Variants in NFKBIZ observed in about 807,000 individuals in gnomAD.
The protein encoded by NFKBIZ is NFKB inhibitor zeta.
In NFKBIZ, 19 loss-of-function variants were observed where a neutral mutation model predicts 76.8. The observed-to-expected ratio is 0.25, with a 90% CI of 0.17 to 0.36. NFKBIZ has a LOEUF of 0.36. NFKBIZ is among the 10% of genes least tolerant of loss of function. The pLI, the probability that NFKBIZ is intolerant of heterozygous loss-of-function variation, is 1.00. For missense variants in NFKBIZ, 829 were observed against 910.9 expected (o/e 0.91, Z 1.16); for synonymous variants, 368 against 354.8 (o/e 1.04, Z -0.42).
intron 2 of NFKBIZ, among the ~76,000 whole-genome samples, chr3:101,837,940 A>C (rs1225244943): frequency 6.6e-6 from 1 of 152,228 alleles, no homozygotes; most frequent in African/African-American, 2.4e-5. Flanking sequence ...AGTTTAGTAC[A>C]TCTTTAAGAA....
At chr3:101,837,249 G>T (rs1942731822) in intron 2 of NFKBIZ, among the ~76,000 whole-genome samples, 1 of 152,102 alleles carries the variant, frequency 6.6e-6, no homozygotes, top group South Asian at 2.1e-4. Context: ...TTTTATACAG[G>T]TGAAGACTCA....
intron 9 of NFKBIZ, 52 bp from the exon 10 acceptor site, chr3:101,857,021 C>A: frequency 7.8e-7 from 1 of 1,284,938 alleles, no homozygotes; most frequent in Admixed American, 1.9e-5. Flanking sequence ...TATTCTGAGG[C>A]ATAGTATCTG....
At chr3:101,828,002 C>G (rs1416748942) in exon 1 of NFKBIZ, 4 of 152,202 alleles carry the variant, frequency 2.6e-5, no homozygotes, top group Non-Finnish European at 5.9e-5. Flanking sequence ...CCTCTTGCCA[C>G]GAGGTCAGAC....
At chr3:101,841,900 A>G (rs1942790075) in intron 2 of NFKBIZ, among the ~76,000 whole-genome samples, 2 of 152,248 alleles carry the variant, frequency 1.3e-5, no homozygotes, top group African/African-American at 4.8e-5. Flanking sequence ...CGGTATTGAC[A>G]TAAAATAATT....
At position 101,852,772 on chromosome 3, in the gene NFKBIZ, A is replaced by T; in HGVS notation, c.460+4A>T. On this transcript the variant is annotated splice_donor_region_variant and intron_variant, in intron 3 of 11. Coordinates refer to ENST00000326172, the MANE Select transcript of NFKBIZ (RefSeq NM_031419.4). ...GTGAACATAGAACAGTTCAGAGGTA[A>T]GAGTTACTTGTATTTGTAATTTTTT... is the stretch of plus-strand genomic sequence containing the variant. 1 of 1,611,320 alleles carries T rather than the reference A, an allele frequency of 6.2e-7. No homozygotes were observed. Among genetic ancestry groups the T allele is most frequent in the Non-Finnish European group, 8.5e-7 (1 of 1,178,998 alleles).
chr3:101,840,517 T>C (rs1185707654), intron 2 of NFKBIZ, among the ~76,000 whole-genome samples: 1 of 152,238 alleles, frequency 6.6e-6, no homozygotes, highest in East Asian at 1.9e-4. Context: ...TTTTATAGTA[T>C]GTGGATATTT....
upstream of NFKBIZ, among the ~76,000 whole-genome samples, chr3:101,847,951 C>T (rs1942878051): frequency 6.6e-6 from 1 of 152,242 alleles, no homozygotes; most frequent in African/African-American, 2.4e-5. Flanking sequence ...GGCTCCAAGC[C>T]ATGGCCTGAC....
chr3:101,843,937 T>C (rs1025334511), intron 2 of NFKBIZ, among the ~76,000 whole-genome samples: 1 of 152,340 alleles, frequency 6.6e-6, no homozygotes, highest in Non-Finnish European at 1.5e-5. Flanking sequence ...AACAGAAGTT[T>C]CCCAAAATTG....
At chr3:101,857,214 AC>A (rs1363083076) in intron 10 of NFKBIZ, 31 bp downstream of exon 10, 4 of 1,612,218 alleles carry the variant, frequency 2.5e-6, no homozygotes, top group Non-Finnish European at 3.4e-6. Flanking sequence ...CCTTCTGTAC[AC>A]CCTCTCAAAG....
intron 2 of NFKBIZ, among the ~76,000 whole-genome samples, chr3:101,833,113 C>T (rs1942668897): frequency 6.6e-6 from 1 of 152,210 alleles, no homozygotes; most frequent in Admixed American, 6.5e-5. Flanking sequence ...TTGAGAATAA[C>T]TCCTATGAGA....
Position 101,853,590 on chromosome 3 carries a change from A to T in NFKBIZ, c.1064A>T (p.Asn355Ile). The change falls in exon 5 of 12, where the codon AAT (asparagine) becomes ATT (isoleucine). Residue 355 changes from asparagine to isoleucine, a missense_variant. Asn to Ile is a moderately radical substitution (Grantham distance 149, BLOSUM62 -3). This residue lies in a region of NFKBIZ where 371 missense variants were observed against 332.3 expected (regional missense o/e 1.12). Transcript: ENST00000326172. ...CAAAGGGAATCTGAGAATATTGCTA[A>T]TCCCATGCAGACTTCCTCCAGTGTT... ...GDQRESENIA[N>I]PMQTSSSVQQ... 1 of 1,614,238 alleles carries T rather than the reference A, an allele frequency of 6.2e-7. No individual in the cohort carries two copies. Among genetic ancestry groups the T allele is most frequent in the Non-Finnish European group, 8.5e-7 (1 of 1,180,038 alleles).
At chr3:101,853,968 G>A (rs970291234) in intron 5 of NFKBIZ, 105 bp downstream of exon 5, 2 of 1,090,532 alleles carry the variant, frequency 1.8e-6, no homozygotes, top group Admixed American at 2.4e-5. Context: ...TTAGTTAGTG[G>A]TTGGCTAACC....
At chr3:101,838,457 T>C (rs998823496) in intron 2 of NFKBIZ, among the ~76,000 whole-genome samples, 1 of 152,242 alleles carries the variant, frequency 6.6e-6, no homozygotes, top group Non-Finnish European at 1.5e-5. Flanking sequence ...GGCAGACTTT[T>C]TCTGTAATGG....
rs1560090768 is a variant in NFKBIZ at position 101,859,571 on chromosome 3, T to A, written c.*200T>A. Reference sequence around the variant, plus strand: ...TAATTTCTCTTGGCAGATTTGCATATTTCATACCCAGGTATCTGGGATCTA... The same window carrying A: ...TAATTTCTCTTGGCAGATTTGCATAATTCATACCCAGGTATCTGGGATCTA... On this transcript the variant is annotated 3_prime_UTR_variant, in exon 12 of 12. Transcript: ENST00000326172. 3 of 406,042 alleles carry A rather than the reference T, an allele frequency of 7.4e-6. No homozygotes were observed. Among genetic ancestry groups the A allele is most frequent in the Non-Finnish European group, 9.0e-6 (2 of 221,168 alleles). The allele number at this position is 406,042 out of a possible 1,614,324, so 25.2% of individuals were successfully genotyped here. A position where few individuals can be genotyped will look rare whatever the true frequency, so the allele number is the denominator to read the frequency against.
In NFKBIZ at chr3:101,859,377, T is replaced by C. The variant is rs776614447; in HGVS notation, c.*6T>C. 3 of 1,611,994 alleles carry C rather than the reference T, an allele frequency of 1.9e-6. No individual in the cohort carries two copies. Among genetic ancestry groups the C allele is most frequent in the Middle Eastern group, 1.7e-4 (1 of 6,054 alleles). ...AGAGAGCTCCACCGTATTAGCTCCA[T>C]TAGCTTGGAGCCTGGCTAGCAACAC... On this transcript the variant is annotated 3_prime_UTR_variant, in exon 12 of 12. Transcript: ENST00000326172.
At chr3:101,843,020 T>TAAAAA (rs35824432) in intron 2 of NFKBIZ, among the ~76,000 whole-genome samples, 1 of 66,434 alleles carries the variant, frequency 1.5e-5, no homozygotes, top group African/African-American at 5.3e-5. Flanking sequence ...CTGTATTTTC[T>TAAAAA]AAAAAAAAAA....
upstream of NFKBIZ, among the ~76,000 whole-genome samples, chr3:101,848,337 C>T (rs1393432562): frequency 6.6e-6 from 1 of 152,140 alleles, no homozygotes; most frequent in African/African-American, 2.4e-5. Flanking sequence ...AATATGAACC[C>T]TCTCCTTAAT....
At chr3:101,831,117 C>T (rs1942641119) in intron 2 of NFKBIZ, among the ~76,000 whole-genome samples, 1 of 152,162 alleles carries the variant, frequency 6.6e-6, no homozygotes, top group African/African-American at 2.4e-5. Context: ...CTGATTGTTT[C>T]AGTCAAGTTT....
chr3:101,838,642 C>G (rs1364293518), intron 2 of NFKBIZ, among the ~76,000 whole-genome samples: 3 of 152,144 alleles, frequency 2.0e-5, no homozygotes, highest in Non-Finnish European at 2.9e-5. Flanking sequence ...CAACTCCTGG[C>G]CTAAAGTATC....
Sources: gnomAD v4.1 joint callset for allele counts (sites outside exome capture counted in the v4.1 genomes callset) on GRCh38, gnomAD v4.1.1 for gene constraint, gnomAD v4.1.1 regional missense constraint, MANE v1.5 for transcripts, NCBI Gene and HGNC (gene_info 2026-07-23, HGNC 2026-07-21) for gene names.